Variants in CYP4F3 observed in about 807,000 individuals in gnomAD.
CYP4F3 encodes cytochrome P450 family 4 subfamily F member 3.
In CYP4F3, 50 loss-of-function variants were observed where a neutral mutation model predicts 54.8. The observed-to-expected ratio is 0.91, with a 90% CI of 0.73 to 1.16. CYP4F3 has a LOEUF of 1.16. Among genes scored for constraint, CYP4F3 ranks in the 50% most tolerant of loss-of-function variants. The probability of loss-of-function intolerance (pLI) is 0.00; values close to 1 mark genes in which losing one functional copy is unlikely to be tolerated. For synonymous variants in CYP4F3, 244 were observed against 262.6 expected (o/e 0.93, Z 0.69); for missense variants, 715 against 676.2 (o/e 1.06, Z -0.64).
chr19:15,650,692 C>CTTTCTTT (rs1568397640), intron 7 of CYP4F3, among the ~76,000 whole-genome samples: 3 of 55,234 alleles, frequency 5.4e-5, no homozygotes, highest in East Asian at 1.6e-3. Context: ...TTCTTTCTTT[C>CTTTCTTT]TTTCTTTCTT....
rs112420126 is a variant in CYP4F3 at position 15,653,593 on chromosome 19, T to C, written c.1115+641T>C. On this transcript the variant is annotated intron_variant, in intron 9 of 12. Transcript: ENST00000221307. ...ACGTGGGCAGGGATGGGGTTTACAG[T>C]AAGGGAAGCAGGACTAGGGGGGTAT... 8.1e-3 allele frequency among the ~76,000 whole-genome samples: 1,228 copies of C among 151,918 alleles called. 11 individuals carry two copies. The highest frequency in any genetic ancestry group is 0.012 in the Non-Finnish European group (846 of 67,906).
intron 7 of CYP4F3, among the ~76,000 whole-genome samples, chr19:15,650,840 T>C (rs1434037345): frequency 2.0e-5 from 1 of 49,466 alleles, no homozygotes. Context: ...CTTTCTTTCT[T>C]TCTTTCTTTC....
At chr19:15,649,126 G>A (rs779733763) in intron 5 of CYP4F3, 34 bp from the exon 6 acceptor site, 23 of 1,611,894 alleles carry the variant, frequency 1.4e-5, no homozygotes, top group Admixed American at 1.7e-5. Context: ...GGGAGCAAGG[G>A]ACCTGCCCCA....
chr19:15,652,379 C>T lies in CYP4F3; in HGVS notation c.919-190C>T, dbSNP rs145640233. Among the ~76,000 whole-genome samples the T allele has an allele frequency of 1.8e-3, 275 of 152,162 alleles. 1 individual carries two copies. Among genetic ancestry groups the T allele is most frequent in the Middle Eastern group, 6.8e-3 (2 of 294 alleles). The stretch of plus-strand genomic sequence containing the variant: ...GGGACCAAAGAAAAGGCAAGGAAGC[C>T]AGGGAGGAAGCCCATGGGGTTGGGG... On this transcript the variant is annotated intron_variant, in intron 7 of 12. Transcript: ENST00000221307.
chr19:15,648,858 T>C (rs1972703546), intron 5 of CYP4F3, among the ~76,000 whole-genome samples: 1 of 152,172 alleles, frequency 6.6e-6, no homozygotes. Flanking sequence ...CACATCATCT[T>C]AACTGTTCCT....
At chr19:15,653,738 GAGAGAGA>G in intron 9 of CYP4F3, among the ~76,000 whole-genome samples, 2 of 7,308 alleles carry the variant, frequency 2.7e-4, no homozygotes, top group Non-Finnish European at 4.8e-4. Context: ...AGAGAGAGGA[GAGAGAGA>G]GAGAGAGAGA....
chr19:15,655,728 C>T (rs565175914), intron 9 of CYP4F3, among the ~76,000 whole-genome samples: 49 of 152,260 alleles, frequency 3.2e-4, no homozygotes, highest in East Asian at 1.9e-3. Flanking sequence ...TCTCTGAGAT[C>T]TTTTGCTTTT....
intron 11 of CYP4F3, 55 bp from the exon 12 acceptor site, chr19:15,658,672 A>G: frequency 6.2e-7 from 1 of 1,610,726 alleles, no homozygotes; most frequent in Non-Finnish European, 8.5e-7. Flanking sequence ...CTGTCTCTCC[A>G]AGGCTGGCGG....
rs1046162045 is a variant in CYP4F3 at position 15,653,703 on chromosome 19, C to T, written c.1115+751C>T. ...GAGCAGTGCTGTAGGTCAAGAAGACCACCTGGGGTCTTCGGGGGAGGAAGA... is the reference window on the plus strand; with the variant it reads ...GAGCAGTGCTGTAGGTCAAGAAGACTACCTGGGGTCTTCGGGGGAGGAAGA... On this transcript the variant is annotated intron_variant, in intron 9 of 12. Coordinates refer to ENST00000221307, the MANE Select transcript of CYP4F3 (RefSeq NM_000896.3). 5.5e-5 allele frequency among the ~76,000 whole-genome samples: 8 copies of T among 145,636 alleles called. No individual in the cohort carries two copies. In the South Asian group the frequency reaches 8.7e-4, roughly 16 times the overall value.
chr19:15,645,962 G>A, intron 3 of CYP4F3, 99 bp downstream of exon 3: 2 of 1,423,838 alleles, frequency 1.4e-6, no homozygotes, highest in Non-Finnish European at 1.9e-6. Context: ...GCGTGCCCAT[G>A]TGCAGACAGG....
rs1555743688 is a variant in CYP4F3 at position 15,656,728 on chromosome 19, TTATC to T, written c.1116-1499_1116-1496del. 5.2e-3 allele frequency among the ~76,000 whole-genome samples: 754 copies of T among 143,998 alleles called. 7 individuals are homozygous for T. Among genetic ancestry groups the T allele is most frequent in the African/African-American group, 0.012 (461 of 38,702 alleles). 94.5% of individuals were successfully genotyped at this position (143,998 alleles called of 152,430 possible). A position where few individuals can be genotyped will look rare whatever the true frequency, so the allele number is the denominator to read the frequency against. ...CTATGTATCTATCTATATCATCTAT[TTATC>T]TATCTATCTATCTATCTATCTATCT... On this transcript the variant is annotated intron_variant, in intron 9 of 12. Transcript: ENST00000221307.
At chr19:15,652,994 T>C (rs764077138) in intron 9 of CYP4F3, 42 bp downstream of exon 9, 9 of 1,565,328 alleles carry the variant, frequency 5.7e-6, no homozygotes, top group Admixed American at 1.9e-5. Flanking sequence ...GCCTGTCTCA[T>C]TGGCTCTGTT....
In CYP4F3 at chr19:15,652,820, C is replaced by G. The variant is rs1209321288; in HGVS notation, c.986-3C>G. ...GACCCAAGCCTGCCTTGCTGCCCCC[C>G]AGGCCATGACACCACAGCCAGTGGT... On this transcript the variant is annotated splice_region_variant and splice_polypyrimidine_tract_variant and intron_variant, in intron 8 of 12. Coordinates refer to ENST00000221307, the MANE Select transcript of CYP4F3 (RefSeq NM_000896.3). 3 of 1,610,086 alleles carry G rather than the reference C, an allele frequency of 1.9e-6. No individual in the cohort carries two copies. The highest frequency in any genetic ancestry group is 2.5e-6 in the Non-Finnish European group (3 of 1,178,020).
chr19:15,649,175 C>A lies in CYP4F3; in HGVS notation c.541C>A (p.Leu181Met). ...CTCTGGCTAGGCCAAGTGGCAGCTC[C>A]TGGCCTCAGAGGGTAGTGCCCGTCT... ...VNIMHAKWQL[L>M]ASEGSARLDM... Residue 181 changes from leucine to methionine, a missense_variant, in exon 6 of 13, where the codon CTG becomes ATG. Transcript: ENST00000221307. The A allele has an allele frequency of 6.2e-7, 1 of 1,613,418 alleles. No individual in the cohort carries two copies. Among genetic ancestry groups the A allele is most frequent in the Non-Finnish European group, 8.5e-7 (1 of 1,179,518 alleles).
chr19:15,641,544 C>T lies in CYP4F3; in HGVS notation c.129C>T (p.Asp43=), dbSNP rs902347867. The T allele has an allele frequency of 6.2e-7, 1 of 1,614,170 alleles. No homozygotes were observed. The highest frequency in any genetic ancestry group is 8.5e-7 in the Non-Finnish European group (1 of 1,180,026). Residue 43 remains aspartate (D), a synonymous_variant, in exon 2 of 13, where the codon GAC becomes GAT. Transcript: ENST00000221307. ...TGGCCTGGACCTATACCTTCTATGACAACTGCTGCCGCCTCCGGTGTTTCC... is the reference window on the plus strand; with the variant it reads ...TGGCCTGGACCTATACCTTCTATGATAACTGCTGCCGCCTCCGGTGTTTCC... ...RILAWTYTFY[D]NCCRLRCFPQ... is the part of the protein sequence containing the mutation.
chr19:15,650,706 T>A (rs371277395), intron 7 of CYP4F3, among the ~76,000 whole-genome samples: 1 of 69,490 alleles, frequency 1.4e-5, no homozygotes, highest in Non-Finnish European at 2.5e-5. Flanking sequence ...CTTTCTTTCT[T>A]TCTTTCTTTC....
intron 9 of CYP4F3, among the ~76,000 whole-genome samples, chr19:15,656,469 T>TTATCTATCTATC (rs71176457): frequency 1.1e-4 from 8 of 70,294 alleles, no homozygotes; most frequent in East Asian, 5.9e-4. Flanking sequence ...ATAGATTTGT[T>TTATCTATCTATC]TATCTATCTA....
chr19:15,649,982 C>A lies in CYP4F3; in HGVS notation c.717C>A (p.Ile239=), dbSNP rs1972741303. Residue 239 remains isoleucine (I), a synonymous_variant, in exon 7 of 13, where the codon ATC becomes ATA. Transcript: ENST00000221307. The part of the protein sequence containing the change: ...SALVTKRHQQ[I]LLYIDFLYYL... ...TTGTGACAAAAAGACACCAGCAGAT[C>A]CTCCTGTACATAGACTTCCTGTATT... 6.2e-7 allele frequency: 1 copy of A among 1,614,046 alleles called. No individual in the cohort carries two copies. Among genetic ancestry groups the A allele is most frequent in the African/African-American group, 1.3e-5 (1 of 74,896 alleles).
chr19:15,649,119 A>G, intron 5 of CYP4F3, 41 bp from the exon 6 acceptor site: 1 of 1,611,098 alleles, frequency 6.2e-7, no homozygotes, highest in East Asian at 2.2e-5. Flanking sequence ...TGCTCAAGGG[A>G]GCAAGGGACC....
Sources: allele counts gnomAD v4.1 joint callset (sites outside exome capture counted in the v4.1 genomes callset), GRCh38; gene constraint gnomAD v4.1.1; transcripts MANE v1.5; gene names NCBI Gene and HGNC (gene_info 2026-07-23, HGNC 2026-07-21).